TAPBP: variants seen among roughly 807,000 people sequenced by gnomAD.
The protein encoded by TAPBP is TAP binding protein, also known as tapasin.
Under a neutral mutation model 45.7 loss-of-function variants are expected in TAPBP, and 38 were observed. That is an observed-to-expected ratio of 0.83 (90% CI 0.64 to 1.09). The LOEUF (loss-of-function observed/expected upper bound fraction) is 1.09, where lower values mean the gene tolerates loss of function less well. TAPBP is among the 50% of genes least tolerant of loss of function. TAPBP has a pLI of 0.00. For missense variants in TAPBP, 513 were observed against 587.3 expected (o/e 0.87, Z 1.31); for synonymous variants, 226 against 254.8 (o/e 0.89, Z 1.08).
In TAPBP at chr6:33,300,803, A is replaced by T. The variant is rs901816736; in HGVS notation, c.*957T>A. The T allele has an allele frequency of 5.9e-5, 9 of 151,712 alleles. No homozygotes were observed. Among genetic ancestry groups the T allele is most frequent in the Admixed American group, 4.6e-4 (7 of 15,228 alleles). The allele number at this position is 151,712 out of a possible 1,614,324, so 9.4% of individuals were successfully genotyped here. ...ACACGGTGAAACCCCGTCTCTACTA[A>T]AAAATACAAAATATTAGCCAGGCAT... On this transcript the variant is annotated 3_prime_UTR_variant, in exon 8 of 8. Transcript: ENST00000434618.
intron 3 of TAPBP, among the ~76,000 whole-genome samples, chr6:33,306,973 C>T (rs576814492): frequency 4.0e-4 from 42 of 103,708 alleles, no homozygotes; most frequent in Non-Finnish European, 6.7e-4. Flanking sequence ...AGGGAAACCC[C>T]GTTTCAAAAA....
In TAPBP at chr6:33,313,945, G is replaced by T; in HGVS notation, c.37+60C>A. On this transcript the variant is annotated intron_variant, in intron 1 of 7. Coordinates refer to ENST00000434618, the MANE Select transcript of TAPBP (RefSeq NM_003190.5). The surrounding 1 kb of genome is among the most constrained non-coding windows in gnomAD (Gnocchi z 7.2). ...CTCCCACCCTGGCATCGGCTCCAGT[G>T]GGGCCACCTCCCTCCGCTTCCCTCT... The T allele has an allele frequency of 1.2e-6, 2 of 1,613,338 alleles. No individual in the cohort carries two copies. Among genetic ancestry groups the T allele is most frequent in the Non-Finnish European group, 1.7e-6 (2 of 1,179,672 alleles).
In TAPBP at chr6:33,313,637, AG is replaced by A; in HGVS notation, c.208+56del. The A allele has an allele frequency of 6.3e-7, 1 of 1,576,606 alleles. No individual in the cohort carries two copies. The highest frequency in any genetic ancestry group is 8.6e-7 in the Non-Finnish European group (1 of 1,158,552). ...GAGGTCACTGCCGGATCTAAAGAGG[AG>A]GGGGTTTCGGTGGAGGCGACAGAGG... On this transcript the variant is annotated intron_variant, in intron 2 of 7. Coordinates refer to ENST00000434618, the MANE Select transcript of TAPBP (RefSeq NM_003190.5). This position sits in a 1 kb window ranked among gnomAD's most constrained non-coding sequence, Gnocchi z 7.2.
At position 33,313,897 on chromosome 6, in the gene TAPBP, T is replaced by C; in HGVS notation, c.38-33A>G. The C allele has an allele frequency of 6.2e-7, 1 of 1,613,180 alleles. No individual in the cohort carries two copies. On this transcript the variant is annotated intron_variant, in intron 1 of 7. Transcript: ENST00000434618. The surrounding 1 kb of genome is among the most constrained non-coding windows in gnomAD (Gnocchi z 7.2). Reference sequence around the variant, plus strand: ...ATAGGGACGCGAGTGAGGAGCGGTTTGTATGTCTGGTGACCTGCCCCACTC... The same window carrying C: ...ATAGGGACGCGAGTGAGGAGCGGTTCGTATGTCTGGTGACCTGCCCCACTC...
At chr6:33,307,865 C>T (rs1308163585) in intron 3 of TAPBP, among the ~76,000 whole-genome samples, 1 of 152,104 alleles carries the variant, frequency 6.6e-6, no homozygotes, top group Non-Finnish European at 1.5e-5. Flanking sequence ...TAGAACAGGG[C>T]CTGGCATATA....
intron 3 of TAPBP, among the ~76,000 whole-genome samples, chr6:33,312,726 T>C (rs16869040): frequency 0.03 from 4,634 of 152,324 alleles, 237 homozygotes; most frequent in African/African-American, 0.1. Flanking sequence ...GCCTTTGCTT[T>C]GCGGATTGCC....
chr6:33,308,740 T>C (rs1769139855), intron 3 of TAPBP, among the ~76,000 whole-genome samples: 1 of 152,172 alleles, frequency 6.6e-6, no homozygotes, highest in South Asian at 2.1e-4. Context: ...TTCACATTTT[T>C]TTTTTTTAGC....
In TAPBP at chr6:33,309,556, T is replaced by A. The variant is rs958860444; in HGVS notation, c.469+3661A>T. ...CCATCTCTATTTAAAAGAAAAAATT[T>A]AAAAAAATAATAAACAAGACCTAAA... On this transcript the variant is annotated intron_variant, in intron 3 of 7. Transcript: ENST00000434618. Among the ~76,000 whole-genome samples, 13 of 147,396 alleles carry A rather than the reference T, an allele frequency of 8.8e-5. No individual in the cohort carries two copies. In the East Asian group the frequency reaches 9.9e-4, roughly 11 times the overall value.
In TAPBP at chr6:33,301,419, C is replaced by G. The variant is rs554850727; in HGVS notation, c.*341G>C. On this transcript the variant is annotated 3_prime_UTR_variant, in exon 8 of 8. Transcript: ENST00000434618. ...TGAAACCCCGTCTCTACTAAAAATA[C>G]AAAAATTCACTGGGTGTGGTGGCAT... 5 of 280,192 alleles carry G rather than the reference C, an allele frequency of 1.8e-5. No individual in the cohort carries two copies. The South Asian group carries it at 2.2e-4, about 12-fold the overall frequency. The allele number at this position is 280,192 out of a possible 1,614,324, so 17.4% of individuals were successfully genotyped here. A position where few individuals can be genotyped will look rare whatever the true frequency, so the allele number is the denominator to read the frequency against.
At position 33,300,435 on chromosome 6, in the gene TAPBP, G is replaced by C. The variant is rs1380410392; in HGVS notation, c.*1325C>G. ...CCAGCACTTTGGGAGGCCGAGGCGG[G>C]CAGATCACAAGGTCAGGAGATCGAG... is the stretch of plus-strand genomic sequence containing the variant. On this transcript the variant is annotated 3_prime_UTR_variant, in exon 8 of 8. Coordinates refer to ENST00000434618, the MANE Select transcript of TAPBP (RefSeq NM_003190.5). 7 of 152,182 alleles carry C rather than the reference G, an allele frequency of 4.6e-5. No homozygotes were observed. In the East Asian group the frequency reaches 1.3e-3, roughly 29 times the overall value. The allele number at this position is 152,182 out of a possible 1,614,324, so 9.4% of individuals were successfully genotyped here. A position where few individuals can be genotyped will look rare whatever the true frequency, so the allele number is the denominator to read the frequency against.
rs745935084 is a variant in TAPBP at position 33,313,354 on chromosome 6, G to A, written c.332C>T (p.Pro111Leu). The A allele has an allele frequency of 6.2e-7, 1 of 1,613,150 alleles. No individual in the cohort carries two copies. The highest frequency in any genetic ancestry group is 1.3e-5 in the African/African-American group (1 of 75,050). The change falls in exon 3 of 8, where the codon CCC (proline) becomes CTC (leucine). Residue 111 changes from proline to leucine, a missense_variant. Coordinates refer to ENST00000434618, the MANE Select transcript of TAPBP (RefSeq NM_003190.5). This position sits in a 1 kb window ranked among gnomAD's most constrained non-coding sequence, Gnocchi z 7.2. The part of the protein sequence containing the change: ...ASAKWASGLT[P>L]AQNCPRALDG... ...CAGGGCCCGCGGGCAGTTCTGCGCG[G>A]GGGTCAGGCCGCTGGCCCATTTCGC...
At chr6:33,308,769 G>C (rs1769141425) in intron 3 of TAPBP, among the ~76,000 whole-genome samples, 1 of 151,692 alleles carries the variant, frequency 6.6e-6, no homozygotes, top group Admixed American at 6.6e-5. Flanking sequence ...CATCGTTAGT[G>C]TTCGTATATT....
In TAPBP at chr6:33,313,040, A is replaced by G. The variant is rs772867511; in HGVS notation, c.469+177T>C. On this transcript the variant is annotated intron_variant, in intron 3 of 7. Coordinates refer to ENST00000434618, the MANE Select transcript of TAPBP (RefSeq NM_003190.5). The surrounding 1 kb of genome is among the most constrained non-coding windows in gnomAD (Gnocchi z 7.2). ...TTTGTTTTTTTTTTTTAACTGGGTG[A>G]GGGCTAGAAGGAGCGGTAGAGATTG... 9.4e-5 allele frequency: 38 copies of G among 403,530 alleles called. No homozygotes were observed. The highest frequency in any genetic ancestry group is 2.3e-4 in the Admixed American group (5 of 21,472). 25.0% of individuals were successfully genotyped at this position (403,530 alleles called of 1,614,324 possible). A position where few individuals can be genotyped will look rare whatever the true frequency, so the allele number is the denominator to read the frequency against.
At position 33,305,612 on chromosome 6, in the gene TAPBP, G is replaced by A. The variant is rs951278825; in HGVS notation, c.470-225C>T. ...GCTGAGGGTGAGCAGAGAGGTCTAG[G>A]GGTGGTGAGTAGGGGCAATGAGGGG... On this transcript the variant is annotated intron_variant, in intron 3 of 7. Coordinates refer to ENST00000434618, the MANE Select transcript of TAPBP (RefSeq NM_003190.5). This position sits in a 1 kb window ranked among gnomAD's most constrained non-coding sequence, Gnocchi z 4.4. Among the ~76,000 whole-genome samples the A allele has an allele frequency of 6.6e-6, 1 of 152,066 alleles. No individual in the cohort carries two copies. The highest frequency in any genetic ancestry group is 2.4e-5 in the African/African-American group (1 of 41,376).
At chr6:33,312,023 CACAG>C (rs1769383886) in intron 3 of TAPBP, among the ~76,000 whole-genome samples, 2 of 152,212 alleles carry the variant, frequency 1.3e-5, no homozygotes, top group Non-Finnish European at 2.9e-5. Context: ...GATAAATTAA[CACAG>C]TGCCATCTCT....
At position 33,308,862 on chromosome 6, in the gene TAPBP, T is replaced by C. The variant is rs1334316917; in HGVS notation, c.470-3475A>G. 2.0e-5 allele frequency among the ~76,000 whole-genome samples: 3 copies of C among 152,278 alleles called. No homozygotes were observed. In the East Asian group the frequency reaches 5.8e-4, roughly 29 times the overall value. On this transcript the variant is annotated intron_variant, in intron 3 of 7. Coordinates refer to ENST00000434618, the MANE Select transcript of TAPBP (RefSeq NM_003190.5). ...GGAGACCCCTGATCTAAATACTCCATGTACATGAAGGTCACTTTCACTGCT... is the reference window on the plus strand; with the variant it reads ...GGAGACCCCTGATCTAAATACTCCACGTACATGAAGGTCACTTTCACTGCT...
chr6:33,303,540 G>A, intron 7 of TAPBP: 1 of 577,998 alleles, frequency 1.7e-6, no homozygotes, highest in East Asian at 2.9e-5. Context: ...ATATTCCAAA[G>A]TCTGAAAAAA....
chr6:33,306,765 G>T (rs1162322619), intron 3 of TAPBP, among the ~76,000 whole-genome samples: 2 of 152,186 alleles, frequency 1.3e-5, no homozygotes, highest in Non-Finnish European at 2.9e-5. Context: ...GATCACCTGA[G>T]TTCGGGAGTT....
At chr6:33,304,697 G>C in intron 4 of TAPBP, 59 bp from the exon 5 acceptor site, 2 of 1,490,958 alleles carry the variant, frequency 1.3e-6, no homozygotes, top group Non-Finnish European at 1.8e-6. Context: ...CTCCCTAAGA[G>C]ACCCTCAGTT....
Sources: allele counts gnomAD v4.1 joint callset (sites outside exome capture counted in the v4.1 genomes callset), GRCh38; gene constraint gnomAD v4.1.1; non-coding constraint Gnocchi (gnomAD v3.1); transcripts MANE v1.5; gene names NCBI Gene and HGNC (gene_info 2026-07-23, HGNC 2026-07-21).